The following JAKMIP2 variants were observed in gnomAD, a reference collection of about 807,000 sequenced individuals.
JAKMIP2 encodes janus kinase and microtubule interacting protein 2, also known as janus kinase and microtubule-interacting protein 2.
Under a neutral mutation model 115.0 loss-of-function variants are expected in JAKMIP2, and 25 were observed. The observed-to-expected ratio is 0.22, with a 90% confidence interval of 0.16 to 0.30. JAKMIP2 has a LOEUF of 0.30. JAKMIP2 is among the 10% of genes least tolerant of loss of function. The pLI is 1.00. For synonymous variants in JAKMIP2, 334 were observed against 343.6 expected, an observed-to-expected ratio of 0.97 and a Z score of 0.31; for missense variants, 642 against 957.6, an observed-to-expected ratio of 0.67 and a Z score of 4.35.
At chr5:147,601,934 C>A in intron 20 of JAKMIP2, 123 bp from the exon 21 acceptor site, 1 of 462,304 alleles carries the variant, frequency 2.2e-6, no homozygotes, top group Non-Finnish European at 3.9e-6. Context: ...ACATCAAGCA[C>A]CTTTTTGTTT....
rs143163146 is a variant in JAKMIP2, at chr5:147,628,799, T to C, written c.1947A>G (p.Glu649=). 1.9e-4 allele frequency: 299 copies of C among 1,613,312 alleles called. No individual in the cohort carries two copies. The African/African-American group carries it at 3.6e-3, about 19-fold the overall frequency. Residue 649 remains glutamate (E), a synonymous_variant, in exon 16 of 22, where the codon GAA becomes GAG. Transcript: ENST00000616793. ...TGCTGGCCTGAATTATGGCCACTTG[T>C]TCTTCATTTCTTAAATTCTGTAAAA... The part of the protein sequence containing the change: ...LGDNGNLRNE[E]QVAIIQASTV...
At position 147,623,700 on chromosome 5, in the gene JAKMIP2, AACAAG is replaced by A. The variant is rs1387319756; in HGVS notation, c.1996-16_1996-12del. The A allele has an allele frequency of 6.3e-7, 1 of 1,597,494 alleles. No homozygotes were observed. Among genetic ancestry groups the A allele is most frequent in the African/African-American group, 1.3e-5 (1 of 74,564 alleles). On this transcript the variant is annotated splice_polypyrimidine_tract_variant and intron_variant, in intron 16 of 21. Coordinates refer to ENST00000616793, the MANE Select transcript of JAKMIP2 (RefSeq NM_001270941.2). ...AATCTGCTGGATCCACTAAGGGGTTAACAAGACAAAAGTGTTTGACATGGCTGCTT... is the reference window on the plus strand; with the variant it reads ...AATCTGCTGGATCCACTAAGGGGTTAACAAAAGTGTTTGACATGGCTGCTT...
chr5:147,661,317 C>A lies in JAKMIP2; in HGVS notation c.258G>T (p.Gln86His). ...GCTTGATAAGGTTCTCCCTCACAGC[C>A]TGCAGCTCCTTCATCTTCTCCTCAT... is the stretch of plus-strand genomic sequence containing the variant. ...KLHEEKMKEL[Q>H]AVRENLIKQH... Residue 86 changes from glutamine to histidine, a missense_variant, in exon 3 of 22, where the codon CAG becomes CAT. Around this residue, in one of 6 missense-constraint regions of JAKMIP2, gnomAD observed 439 missense variants for 570.9 expected, o/e 0.77. Transcript: ENST00000616793. 1.2e-6 allele frequency: 2 copies of A among 1,614,038 alleles called. No individual in the cohort carries two copies. Among genetic ancestry groups the A allele is most frequent in the Non-Finnish European group, 1.7e-6 (2 of 1,180,022 alleles).
chr5:147,660,754 A>G (rs1758913696), intron 3 of JAKMIP2, 194 bp downstream of exon 3: 7 of 608,684 alleles, frequency 1.2e-5, no homozygotes, highest in African/African-American at 1.8e-5. Context: ...TACAATTTCA[A>G]TTTTGGCCTG....
intron 1 of JAKMIP2, among the ~76,000 whole-genome samples, chr5:147,703,619 A>T (rs1452755501): frequency 6.7e-6 from 1 of 148,554 alleles, no homozygotes; most frequent in Admixed American, 6.7e-5. Flanking sequence ...TAGTGACAAG[A>T]CCTCACTATG....
chr5:147,729,729 G>A (rs556863722), intron 1 of JAKMIP2, among the ~76,000 whole-genome samples: 6 of 150,680 alleles, frequency 4.0e-5, no homozygotes, highest in East Asian at 2.0e-4. Flanking sequence ...AGCCGAGATC[G>A]CGCCTCTGCA....
chr5:147,778,445 T>TA (rs1755644535), intron 1 of JAKMIP2, among the ~76,000 whole-genome samples: 1 of 152,064 alleles, frequency 6.6e-6, no homozygotes, highest in South Asian at 2.1e-4. Flanking sequence ...TAAATTGAAT[T>TA]AAAATTATCT....
At chr5:147,697,087 A>G (rs1752135891) in intron 1 of JAKMIP2, among the ~76,000 whole-genome samples, 1 of 152,194 alleles carries the variant, frequency 6.6e-6, no homozygotes, top group South Asian at 2.1e-4. Flanking sequence ...AGTAACAAGG[A>G]GCCTGTATTA....
In JAKMIP2 at chr5:147,757,516, G is replaced by A. The variant is rs113516262; in HGVS notation, c.-149+24940C>T. Reference sequence around the variant, plus strand: ...CTGAGTCAGGGATGGGATCCCACTGGTTCTGGAGTCTAATCGTCCTTGGTG... The same window carrying A: ...CTGAGTCAGGGATGGGATCCCACTGATTCTGGAGTCTAATCGTCCTTGGTG... On this transcript the variant is annotated intron_variant, in intron 1 of 21. Coordinates refer to ENST00000616793, the MANE Select transcript of JAKMIP2 (RefSeq NM_001270941.2). Among the ~76,000 whole-genome samples the A allele has an allele frequency of 4.3e-3, 652 of 152,186 alleles. 5 individuals carry two copies. The highest frequency in any genetic ancestry group is 0.015 in the African/African-American group (629 of 41,516).
intron 20 of JAKMIP2, among the ~76,000 whole-genome samples, chr5:147,602,021 T>G (rs1315562420): frequency 6.6e-6 from 1 of 152,190 alleles, no homozygotes; most frequent in Non-Finnish European, 1.5e-5. Flanking sequence ...CATTTTAGAA[T>G]CATGAGGTGG....
chr5:147,693,348 A>G (rs1294088683), intron 1 of JAKMIP2, among the ~76,000 whole-genome samples: 2 of 152,242 alleles, frequency 1.3e-5, no homozygotes, highest in Non-Finnish European at 2.9e-5. Flanking sequence ...TACCAAAGTA[A>G]TAAGCACATT....
intron 1 of JAKMIP2, among the ~76,000 whole-genome samples, chr5:147,732,302 T>C (rs1753763666): frequency 6.6e-6 from 1 of 152,206 alleles, no homozygotes; most frequent in Non-Finnish European, 1.5e-5. Flanking sequence ...ATGTATTTCT[T>C]ACAATGCCCA....
At chr5:147,598,286 A>T (rs751334379) in intron 21 of JAKMIP2, among the ~76,000 whole-genome samples, 3 of 152,170 alleles carry the variant, frequency 2.0e-5, no homozygotes, top group South Asian at 4.1e-4. Flanking sequence ...GGCGTGAGCC[A>T]TCAGCGGTTC....
chr5:147,638,555 T>C (rs1757731556), intron 10 of JAKMIP2, among the ~76,000 whole-genome samples: 1 of 152,182 alleles, frequency 6.6e-6, no homozygotes, highest in African/African-American at 2.4e-5. Context: ...TTTACTTATA[T>C]ATGTGTGTGT....
chr5:147,705,782 T>C (rs75335722), intron 1 of JAKMIP2, among the ~76,000 whole-genome samples: 1,909 of 152,300 alleles, frequency 0.013, 50 homozygotes, highest in African/African-American at 0.044. Flanking sequence ...AGCCTTCATA[T>C]TATGCATAAT....
At chr5:147,731,980 G>A (rs1168002466) in intron 1 of JAKMIP2, among the ~76,000 whole-genome samples, 1 of 152,162 alleles carries the variant, frequency 6.6e-6, no homozygotes, top group Non-Finnish European at 1.5e-5. Context: ...ATTTCAATTA[G>A]AATCAGTGTG....
At chr5:147,779,986 C>G (rs1461221781) in intron 1 of JAKMIP2, among the ~76,000 whole-genome samples, 1 of 152,140 alleles carries the variant, frequency 6.6e-6, no homozygotes, top group Non-Finnish European at 1.5e-5. Flanking sequence ...AGCCCATTGA[C>G]TACATTTGAG....
intron 7 of JAKMIP2, among the ~76,000 whole-genome samples, chr5:147,643,290 C>A (rs1311166395): frequency 2.0e-5 from 3 of 152,238 alleles, no homozygotes; most frequent in East Asian, 3.9e-4. Context: ...TATAACCTTT[C>A]TCTGTCTCAG....
intron 1 of JAKMIP2, among the ~76,000 whole-genome samples, chr5:147,693,158 T>C (rs1449488345): frequency 6.6e-6 from 1 of 152,202 alleles, no homozygotes; most frequent in Non-Finnish European, 1.5e-5. Flanking sequence ...GATGTTGCTT[T>C]ATGCTTAAGG....
Sources: gnomAD v4.1 joint callset for allele counts (sites outside exome capture counted in the v4.1 genomes callset) on GRCh38, gnomAD v4.1.1 for gene constraint, gnomAD v4.1.1 regional missense constraint, MANE v1.5 for transcripts, NCBI Gene and HGNC (gene_info 2026-07-23, HGNC 2026-07-21) for gene names.